QTMAN: variants seen among roughly 807,000 people sequenced by gnomAD.
QTMAN encodes queuosine-tRNA mannosyltransferase, also known as tRNA-queuosine alpha-mannosyltransferase.
the QTMAN span, among the ~76,000 whole-genome samples, chr2:144,073,288 C>G: frequency 1.3e-5 from 2 of 150,170 alleles, no homozygotes; most frequent in Admixed American, 6.7e-5. Flanking sequence ...TTTCTGTAAA[C>G]TGAATATCCT....
At chr2:144,209,837 A>G in the QTMAN span, among the ~76,000 whole-genome samples, 31 of 152,326 alleles carry the variant, frequency 2.0e-4, no homozygotes, top group African/African-American at 7.2e-4. Flanking sequence ...ACTTAAGTAA[A>G]TATCACTCAT....
At chr2:144,061,587 T>C in the QTMAN span, among the ~76,000 whole-genome samples, 1 of 152,194 alleles carries the variant, frequency 6.6e-6, no homozygotes, top group Non-Finnish European at 1.5e-5. Context: ...ATGACCTAGG[T>C]GCTGACATGT....
chr2:144,106,515 T>C, the QTMAN span, among the ~76,000 whole-genome samples: 1 of 152,170 alleles, frequency 6.6e-6, no homozygotes, highest in Non-Finnish European at 1.5e-5. Context: ...AAGAAGGCTA[T>C]TACATAATGG....
At chr2:143,968,525 T>C in the QTMAN span, among the ~76,000 whole-genome samples, 2 of 152,274 alleles carry the variant, frequency 1.3e-5, no homozygotes, top group Non-Finnish European at 2.9e-5. Context: ...TCAAGGTCAA[T>C]GTGTGGGAGA....
chr2:144,089,020 G>A, the QTMAN span, among the ~76,000 whole-genome samples: 12 of 151,940 alleles, frequency 7.9e-5, no homozygotes, highest in South Asian at 6.2e-4. Context: ...ACAGTGTGAA[G>A]AGACAACCTG....
At chr2:144,231,843 GGT>G in the QTMAN span, among the ~76,000 whole-genome samples, 22,961 of 138,062 alleles carry the variant, frequency 0.17, 1,831 homozygotes, top group African/African-American at 0.2. Context: ...GAATGAAAGA[GGT>G]GTGTGTGTGT....
At chr2:144,068,505 C>T in the QTMAN span, among the ~76,000 whole-genome samples, 1 of 152,168 alleles carries the variant, frequency 6.6e-6, no homozygotes, top group African/African-American at 2.4e-5. Context: ...CCTTTGTGGA[C>T]ACTTAATTAA....
chr2:143,974,799 T>C, the QTMAN span, among the ~76,000 whole-genome samples: 393 of 152,318 alleles, frequency 2.6e-3, 1 homozygote, highest in African/African-American at 9.0e-3. Context: ...ATCACTAATA[T>C]TCTACCATAA....
At chr2:144,332,535 G>GGATGCCGCCGCC in the QTMAN span, 1 of 148,046 alleles carries the variant, frequency 6.8e-6, no homozygotes, top group East Asian at 2.0e-4. Context: ...CGGCCGCCGC[G>GGATGCCGCCGCC]GATGCCGCCG....
the QTMAN span, among the ~76,000 whole-genome samples, chr2:143,947,312 T>C: frequency 6.6e-6 from 1 of 152,154 alleles, no homozygotes; most frequent in African/African-American, 2.4e-5. Context: ...CAGTTTCTGA[T>C]TGGTCTAAAG....
the QTMAN span, among the ~76,000 whole-genome samples, chr2:144,057,394 C>T: frequency 6.6e-6 from 1 of 152,158 alleles, no homozygotes; most frequent in Non-Finnish European, 1.5e-5. Context: ...GATATATATG[C>T]AAGAGGTAAA....
the QTMAN span, among the ~76,000 whole-genome samples, chr2:144,280,656 A>G: frequency 1.3e-5 from 2 of 152,200 alleles, no homozygotes; most frequent in Non-Finnish European, 2.9e-5. Context: ...CAAACTGGAA[A>G]AATGTATTTC....
the QTMAN span, among the ~76,000 whole-genome samples, chr2:144,177,563 AGTT>A: frequency 4.6e-5 from 7 of 152,192 alleles, no homozygotes; most frequent in Admixed American, 1.3e-4. Context: ...AACTCAACTG[AGTT>A]GTTGAGTCAA....
the QTMAN span, among the ~76,000 whole-genome samples, chr2:144,198,986 C>A: frequency 2.6e-5 from 4 of 152,050 alleles, no homozygotes; most frequent in Non-Finnish European, 4.4e-5. Flanking sequence ...AAATCTTTAA[C>A]ATCCCCTTAG....
At chr2:144,317,580 T>A in the QTMAN span, 3 of 152,178 alleles carry the variant, frequency 2.0e-5, no homozygotes, top group South Asian at 6.2e-4. Context: ...GGGTCCTTTG[T>A]AAAAAACACT....
At chr2:144,269,323 T>C in the QTMAN span, among the ~76,000 whole-genome samples, 2 of 151,958 alleles carry the variant, frequency 1.3e-5, no homozygotes, top group African/African-American at 4.8e-5. Flanking sequence ...ATCTTAAGGG[T>C]CCTAGGATGT....
chr2:144,094,418 C>T, the QTMAN span, among the ~76,000 whole-genome samples: 182 of 152,206 alleles, frequency 1.2e-3, 2 homozygotes, highest in African/African-American at 4.0e-3. Flanking sequence ...CATACTGCTA[C>T]GAAGAAATAT....
chr2:144,046,695 T>C, the QTMAN span, among the ~76,000 whole-genome samples: 1 of 152,242 alleles, frequency 6.6e-6, no homozygotes, highest in Non-Finnish European at 1.5e-5. Context: ...GTTCAGTGAC[T>C]ACTTAATTCC....
At chr2:144,193,827 C>T in the QTMAN span, among the ~76,000 whole-genome samples, 1 of 152,000 alleles carries the variant, frequency 6.6e-6, no homozygotes, top group Non-Finnish European at 1.5e-5. Flanking sequence ...GTGCCCAGCA[C>T]CCCCAAATAT....
Sources: allele counts gnomAD v4.1 joint callset (sites outside exome capture counted in the v4.1 genomes callset), GRCh38; gene constraint gnomAD v4.1.1; transcripts MANE v1.5; gene names NCBI Gene and HGNC (gene_info 2026-07-23, HGNC 2026-07-21).